Variants in AP1M1 observed in about 807,000 individuals in gnomAD.
AP1M1 encodes AP-1 complex subunit mu-1.
AP1M1 carries 18 observed loss-of-function variants against 57.1 expected under a neutral mutation model. That is an observed-to-expected ratio of 0.32 (90% CI 0.22 to 0.47). The LOEUF is 0.47. Ranked by LOEUF, AP1M1 falls within the 20% of genes least tolerant of loss-of-function variation. The probability of loss-of-function intolerance (pLI) is 1.00; values close to 1 mark genes in which losing one functional copy is unlikely to be tolerated. For missense variants in AP1M1, 362 were observed against 593.5 expected (o/e 0.61, Z 4.05); for synonymous variants, 241 against 237.9 (o/e 1.01, Z -0.12).
intron 5 of AP1M1, among the ~76,000 whole-genome samples, chr19:16,215,249 T>G: frequency 1.2e-5 from 1 of 83,750 alleles, no homozygotes; most frequent in Non-Finnish European, 2.4e-5. Context: ...TCACCTGAGG[T>G]CAGGAATTCA....
At chr19:16,201,690 G>A (rs1465102771) in intron 1 of AP1M1, among the ~76,000 whole-genome samples, 1 of 152,148 alleles carries the variant, frequency 6.6e-6, no homozygotes, top group Middle Eastern at 3.2e-3. Flanking sequence ...GAGCCACCGC[G>A]CCCAGCTGGG....
At chr19:16,204,050 A>T (rs760386724) in intron 2 of AP1M1, among the ~76,000 whole-genome samples, 16 of 152,062 alleles carry the variant, frequency 1.1e-4, no homozygotes, top group Admixed American at 3.3e-4. Context: ...CTCAAAGAAC[A>T]TCATCTGAAA....
chr19:16,228,119 CTT>C lies in AP1M1; in HGVS notation c.817-16_817-15del, dbSNP rs776192178. ...AAACAAGGCCAGGTGTGAGCACCCT[CTT>C]TGCCCTCCTTGGCAGGTCAAGCCTT... On this transcript the variant is annotated splice_polypyrimidine_tract_variant and intron_variant, in intron 7 of 11. Coordinates refer to ENST00000291439, the MANE Select transcript of AP1M1 (RefSeq NM_032493.4). The surrounding 1 kb of genome is among the most constrained non-coding windows in gnomAD (Gnocchi z 5.0). 2 of 1,613,488 alleles carry C rather than the reference CTT, an allele frequency of 1.2e-6. No individual in the cohort carries two copies. The highest frequency in any genetic ancestry group is 2.2e-5 in the South Asian group (2 of 91,080).
rs2091455898 is a variant in AP1M1, at chr19:16,203,227, C to G, written c.43-232C>G. 2 of 563,060 alleles carry G rather than the reference C, an allele frequency of 3.6e-6. No homozygotes were observed. The highest frequency in any genetic ancestry group is 6.4e-6 in the Non-Finnish European group (2 of 313,466). 34.9% of individuals were successfully genotyped at this position (563,060 alleles called of 1,614,324 possible). On this transcript the variant is annotated intron_variant, in intron 1 of 11. Transcript: ENST00000291439. The surrounding 1 kb of genome is among the most constrained non-coding windows in gnomAD (Gnocchi z 4.6). ...TGCAGAGTTCGCCTCTACCCTCACC[C>G]TGCGAAGAACTGCAGTGGCCCCTGT...
chr19:16,221,437 C>A lies in AP1M1; in HGVS notation c.547-4984C>A, dbSNP rs549925626. On this transcript the variant is annotated intron_variant, in intron 5 of 11. Coordinates refer to ENST00000291439, the MANE Select transcript of AP1M1 (RefSeq NM_032493.4). The stretch of plus-strand genomic sequence containing the variant: ...TCCCTTATGCAGCTTGTCCCTGCTG[C>A]TGTGTCCTATCTCCATTGGCTGGAG... 4.6e-5 allele frequency among the ~76,000 whole-genome samples: 7 copies of A among 152,370 alleles called. No individual in the cohort carries two copies. The South Asian group carries it at 1.4e-3, about 32-fold the overall frequency.
chr19:16,220,159 C>T (rs1017173294), intron 5 of AP1M1, among the ~76,000 whole-genome samples: 1 of 152,092 alleles, frequency 6.6e-6, no homozygotes, highest in Non-Finnish European at 1.5e-5. Context: ...TGAAACTATC[C>T]GAGCCTGGAG....
At position 16,206,966 on chromosome 19, in the gene AP1M1, C is replaced by T. The variant is rs192755154; in HGVS notation, c.267+558C>T. Among the ~76,000 whole-genome samples the T allele has an allele frequency of 1.9e-3, 295 of 152,230 alleles. 1 individual carries two copies. Among genetic ancestry groups the T allele is most frequent in the Non-Finnish European group, 3.4e-3 (232 of 68,010 alleles). On this transcript the variant is annotated intron_variant, in intron 3 of 11. Transcript: ENST00000291439. The surrounding 1 kb of genome is among the most constrained non-coding windows in gnomAD (Gnocchi z 4.3). ...AGGCTGAGGTCAGCTGGGAAGAGGG[C>T]GGATTATACAGGAGTGTGGATTTCA...
Position 16,207,482 on chromosome 19 carries a change from G to T in AP1M1, c.268-537G>T, listed in dbSNP as rs2091474157. Among the ~76,000 whole-genome samples the T allele has an allele frequency of 6.6e-6, 1 of 152,122 alleles. No homozygotes were observed. The highest frequency in any genetic ancestry group is 2.1e-4 in the South Asian group (1 of 4,830). On this transcript the variant is annotated intron_variant, in intron 3 of 11. Coordinates refer to ENST00000291439, the MANE Select transcript of AP1M1 (RefSeq NM_032493.4). This position sits in a 1 kb window ranked among gnomAD's most constrained non-coding sequence, Gnocchi z 4.2. ...GAATGGGGGATGCGGGAAGGGGAAG[G>T]TCCTCACCCAAGGGTTGGGCTGTGC...
rs747628250 is a variant in AP1M1, at chr19:16,203,452, A to G, written c.43-7A>G. ...CAAGCATCTTTTCTCTTCCTTCCCC[A>G]CCCCAGGTGCTCATCTGCCGGAACT... On this transcript the variant is annotated splice_region_variant and splice_polypyrimidine_tract_variant and intron_variant, in intron 1 of 11. Coordinates refer to ENST00000291439, the MANE Select transcript of AP1M1 (RefSeq NM_032493.4). The surrounding 1 kb of genome is among the most constrained non-coding windows in gnomAD (Gnocchi z 4.6). 5 of 1,613,390 alleles carry G rather than the reference A, an allele frequency of 3.1e-6. No homozygotes were observed. The highest frequency in any genetic ancestry group is 4.2e-6 in the Non-Finnish European group (5 of 1,179,866).
Position 16,207,948 on chromosome 19 carries a change from G to A in AP1M1, c.268-71G>A, listed in dbSNP as rs189802085. Reference sequence around the variant, plus strand: ...AGCGGGCAAATGAATGTGTGCAAGCGTTCATTCATTCCTCATCCGTCCGCT... The same window carrying A: ...AGCGGGCAAATGAATGTGTGCAAGCATTCATTCATTCCTCATCCGTCCGCT... On this transcript the variant is annotated intron_variant, in intron 3 of 11. Coordinates refer to ENST00000291439, the MANE Select transcript of AP1M1 (RefSeq NM_032493.4). This position sits in a 1 kb window ranked among gnomAD's most constrained non-coding sequence, Gnocchi z 4.2. The A allele has an allele frequency of 1.9e-5, 29 of 1,532,268 alleles. No homozygotes were observed. Among genetic ancestry groups the A allele is most frequent in the Admixed American group, 1.1e-4 (6 of 53,758 alleles). 94.9% of individuals were successfully genotyped at this position (1,532,268 alleles called of 1,614,324 possible). A position where few individuals can be genotyped will look rare whatever the true frequency, so the allele number is the denominator to read the frequency against.
rs1350083237 is a variant in AP1M1 at position 16,197,961 on chromosome 19, A to G, written c.-66A>G. On this transcript the variant is annotated 5_prime_UTR_variant, in exon 1 of 12. Coordinates refer to ENST00000291439, the MANE Select transcript of AP1M1 (RefSeq NM_032493.4). ...CGGCGCCCGGCCTTGCTCAACGCCC[A>G]GCAGTCCCCACCGTCGCTGCCGCCG... The G allele has an allele frequency of 2.8e-6, 3 of 1,068,928 alleles. No individual in the cohort carries two copies. The highest frequency in any genetic ancestry group is 2.0e-4 in the East Asian group (2 of 9,946). 66.2% of individuals were successfully genotyped at this position (1,068,928 alleles called of 1,614,324 possible).
At position 16,229,049 on chromosome 19, in the gene AP1M1, C is replaced by A. The variant is rs1353643369; in HGVS notation, c.1047+121C>A. On this transcript the variant is annotated intron_variant, in intron 9 of 11. Coordinates refer to ENST00000291439, the MANE Select transcript of AP1M1 (RefSeq NM_032493.4). ...ACAGTGGCCACTGTGTCTTCCACAC[C>A]TGGGGCTTCTGAAAGGGTGGACGGA... 4 of 1,216,380 alleles carry A rather than the reference C, an allele frequency of 3.3e-6. No individual in the cohort carries two copies. In the African/African-American group the frequency reaches 6.0e-5, roughly 18 times the overall value. 75.3% of individuals were successfully genotyped at this position (1,216,380 alleles called of 1,614,324 possible). A position where few individuals can be genotyped will look rare whatever the true frequency, so the allele number is the denominator to read the frequency against.
In AP1M1 at chr19:16,238,278, A is replaced by G. The variant is rs143563086; in HGVS notation, c.*3843A>G. 88 of 148,348 alleles carry G rather than the reference A, an allele frequency of 5.9e-4. No individual in the cohort carries two copies. Among genetic ancestry groups the G allele is most frequent in the African/African-American group, 2.0e-3 (84 of 41,160 alleles). The allele number at this position is 148,348 out of a possible 1,614,324, so 9.2% of individuals were successfully genotyped here. On this transcript the variant is annotated 3_prime_UTR_variant, in exon 12 of 12. Transcript: ENST00000291439. ...CCCTGAGAAGTCCATGCACCAATAT[A>G]TAGAGAAATATCAGGTGTACAGTTA... is the stretch of plus-strand genomic sequence containing the variant.
chr19:16,234,168 G>C (rs200986619), intron 10 of AP1M1, 31 bp from the exon 11 acceptor site: 25 of 1,599,650 alleles, frequency 1.6e-5, no homozygotes, highest in Non-Finnish European at 2.0e-5. Flanking sequence ...GGGAGCCTGC[G>C]GTGCTCAGGG....
At chr19:16,233,751 T>TC (rs963563614) in intron 10 of AP1M1, 133 bp downstream of exon 10, 9 of 1,252,036 alleles carry the variant, frequency 7.2e-6, no homozygotes, top group Non-Finnish European at 9.7e-6. Flanking sequence ...GGCCTCTGCC[T>TC]CCCCACAGAC....
At chr19:16,208,978 GT>G (rs1260240978) in intron 4 of AP1M1, 51 bp from the exon 5 acceptor site, 1 of 1,578,744 alleles carries the variant, frequency 6.3e-7, no homozygotes, top group Admixed American at 1.8e-5. Flanking sequence ...GCCAGAAGCT[GT>G]GGCGTTGGTG....
At chr19:16,222,730 G>A (rs1183998822) in intron 5 of AP1M1, among the ~76,000 whole-genome samples, 1 of 151,104 alleles carries the variant, frequency 6.6e-6, no homozygotes, top group Non-Finnish European at 1.5e-5. Context: ...ATCTGAGTGT[G>A]CTGAGTAGCT....
chr19:16,231,302 A>C (rs1294845264), intron 9 of AP1M1, among the ~76,000 whole-genome samples: 1 of 25,802 alleles, frequency 3.9e-5, no homozygotes, highest in African/African-American at 6.7e-5. Flanking sequence ...AAAAAAAAAA[A>C]AAAAAAAACA....
chr19:16,233,364 C>G (rs1218393188), intron 9 of AP1M1, 129 bp from the exon 10 acceptor site: 6 of 1,330,998 alleles, frequency 4.5e-6, no homozygotes, highest in Non-Finnish European at 5.9e-6. Flanking sequence ...CTCCCCAGCA[C>G]AGGGGCTCAT....
Sources: allele counts gnomAD v4.1 joint callset (sites outside exome capture counted in the v4.1 genomes callset), GRCh38; gene constraint gnomAD v4.1.1; non-coding constraint Gnocchi (gnomAD v3.1); transcripts MANE v1.5; gene names NCBI Gene and HGNC (gene_info 2026-07-23, HGNC 2026-07-21).